Variants in URM1 observed in about 807,000 individuals in gnomAD.
The protein encoded by URM1 is ubiquitin related modifier 1, also known as ubiquitin-related modifier 1.
A neutral mutation model predicts 17.7 loss-of-function variants in URM1; 11 were observed. The observed-to-expected ratio is 0.62, with a 90% confidence interval of 0.39 to 1.03. The LOEUF is 1.03. URM1 is among the 50% of genes least tolerant of loss of function. The pLI, the probability that URM1 is intolerant of heterozygous loss-of-function variation, is 0.00. For synonymous variants in URM1, 48 were observed against 50.6 expected (o/e 0.95, Z 0.22); for missense variants, 128 against 129.2 (o/e 0.99, Z 0.04).
At chr9:128,377,687 A>G (rs1202430277) in intron 1 of URM1, among the ~76,000 whole-genome samples, 3 of 152,144 alleles carry the variant, frequency 2.0e-5, no homozygotes, top group Non-Finnish European at 2.9e-5. Flanking sequence ...AAAATTAAAT[A>G]TAAACATAAA....
At chr9:128,386,196 T>C (rs1207347991) in intron 2 of URM1, among the ~76,000 whole-genome samples, 1 of 152,196 alleles carries the variant, frequency 6.6e-6, no homozygotes. Context: ...TAGGGCTGGC[T>C]GATGGATGTG....
rs1452118919 is a variant in URM1 at position 128,377,919 on chromosome 9, A to G, written c.36-117A>G. The G allele has an allele frequency of 4.0e-6, 4 of 1,002,494 alleles. No homozygotes were observed. In the East Asian group the frequency reaches 9.9e-5, roughly 25 times the overall value. The allele number at this position is 1,002,494 out of a possible 1,614,324, so 62.1% of individuals were successfully genotyped here. A position where few individuals can be genotyped will look rare whatever the true frequency, so the allele number is the denominator to read the frequency against. On this transcript the variant is annotated intron_variant, in intron 1 of 4. Transcript: ENST00000372853. ...TGCACCCAAGGTGTTTCTGCACCTT[A>G]GTCTCTGCTTCTCTCGGCCTTCATT...
intron 1 of URM1, among the ~76,000 whole-genome samples, chr9:128,376,788 A>G (rs1833084221): frequency 6.6e-6 from 1 of 152,194 alleles, no homozygotes; most frequent in African/African-American, 2.4e-5. Context: ...AGAGTTCGAG[A>G]CCAGTCTGAG....
intron 2 of URM1, among the ~76,000 whole-genome samples, chr9:128,382,716 GTC>G (rs1450490466): frequency 6.6e-6 from 1 of 152,196 alleles, no homozygotes; most frequent in Admixed American, 6.5e-5. Context: ...TGAGCTGGTT[GTC>G]TCTTTGACAT....
chr9:128,383,788 G>A (rs1833191524), intron 2 of URM1, among the ~76,000 whole-genome samples: 4 of 152,212 alleles, frequency 2.6e-5, no homozygotes, highest in Admixed American at 2.6e-4. Flanking sequence ...CCACGAGGCT[G>A]AGGCTGACAC....
rs537860690 is a variant in URM1 at position 128,388,063 on chromosome 9, G to A, written c.188+166G>A. The A allele has an allele frequency of 1.6e-4, 220 of 1,360,608 alleles. 1 individual carries two copies. In the South Asian group the frequency reaches 3.8e-3, roughly 24 times the overall value. The allele number at this position is 1,360,608 out of a possible 1,614,324, so 84.3% of individuals were successfully genotyped here. ...TTTTCAGTTTTCTTGTTACTAAACC[G>A]AACTCTTGAGGATTTTTTAAATCCC... On this transcript the variant is annotated intron_variant, in intron 3 of 4. Transcript: ENST00000372853.
chr9:128,372,631 G>A (rs1219468913), intron 1 of URM1, among the ~76,000 whole-genome samples: 4 of 152,138 alleles, frequency 2.6e-5, no homozygotes, highest in Admixed American at 1.3e-4. Context: ...GATCCAATTA[G>A]AACTGTATTG....
intron 1 of URM1, among the ~76,000 whole-genome samples, chr9:128,375,595 T>TACA (rs1833065762): frequency 6.6e-6 from 1 of 152,160 alleles, no homozygotes; most frequent in African/African-American, 2.4e-5. Context: ...GGTCTCACTG[T>TACA]GTCGCCCAGG....
rs536429123 is a variant in URM1, at chr9:128,387,963, T to G, written c.188+66T>G. 314 of 1,605,374 alleles carry G rather than the reference T, an allele frequency of 2.0e-4. No homozygotes were observed. The Admixed American group carries it at 2.9e-3, about 15-fold the overall frequency. On this transcript the variant is annotated intron_variant, in intron 3 of 4. Coordinates refer to ENST00000372853, the MANE Select transcript of URM1 (RefSeq NM_030914.4). This position sits in a 1 kb window ranked among gnomAD's most constrained non-coding sequence, Gnocchi z 4.3. ...GGGACGGATATTTGAGCCCCCACCCTCGGGTTCAGTCCTGGCCTTCTCTGA... is the reference window on the plus strand; with the variant it reads ...GGGACGGATATTTGAGCCCCCACCCGCGGGTTCAGTCCTGGCCTTCTCTGA...
intron 2 of URM1, among the ~76,000 whole-genome samples, chr9:128,379,712 A>T (rs894407453): frequency 4.0e-5 from 6 of 151,862 alleles, no homozygotes; most frequent in African/African-American, 1.5e-4. Flanking sequence ...AGGCACGAGA[A>T]TTGCTTAAAC....
chr9:128,373,486 G>A (rs1365353211), intron 1 of URM1, among the ~76,000 whole-genome samples: 3 of 152,118 alleles, frequency 2.0e-5, no homozygotes, highest in African/African-American at 7.2e-5. Flanking sequence ...CTGAGCAGAT[G>A]TAGTCCTCTT....
chr9:128,376,529 G>A (rs537630851), intron 1 of URM1, among the ~76,000 whole-genome samples: 1 of 151,866 alleles, frequency 6.6e-6, no homozygotes, highest in Non-Finnish European at 1.5e-5. Context: ...AGGTGTGGTA[G>A]CACGTGCCTG....
At chr9:128,389,207 T>G in intron 3 of URM1, 54 bp from the exon 4 acceptor site, 1 of 1,554,880 alleles carries the variant, frequency 6.4e-7, no homozygotes, top group Non-Finnish European at 8.7e-7. Flanking sequence ...TCTTCCTCTG[T>G]GCTACTGCCT....
chr9:128,380,679 A>G (rs376381762), intron 2 of URM1, among the ~76,000 whole-genome samples: 238 of 136,626 alleles, frequency 1.7e-3, no homozygotes, highest in Middle Eastern at 0.013. Flanking sequence ...TCTGTCTCCC[A>G]GGCTGAAGTG....
intron 3 of URM1, chr9:128,388,773 A>G: frequency 1.0e-6 from 1 of 987,532 alleles, no homozygotes; most frequent in Non-Finnish European, 1.2e-6. Context: ...GAGGCAAAAC[A>G]GCCTTCTCTC....
intron 2 of URM1, among the ~76,000 whole-genome samples, chr9:128,379,614 A>G (rs2131293595): frequency 6.6e-6 from 1 of 152,280 alleles, no homozygotes; most frequent in African/African-American, 2.4e-5. Context: ...CCTGGCCAAG[A>G]TGGTGAAACC....
intron 1 of URM1, among the ~76,000 whole-genome samples, 181 bp downstream of exon 1, chr9:128,371,596 G>C (rs1477048247): frequency 1.3e-5 from 2 of 152,224 alleles, no homozygotes; most frequent in Admixed American, 1.3e-4. Flanking sequence ...GAGGCCGTCT[G>C]TCCGGAAATA....
At chr9:128,389,101 A>C in intron 3 of URM1, 160 bp from the exon 4 acceptor site, 1 of 1,436,752 alleles carries the variant, frequency 7.0e-7, no homozygotes, top group Non-Finnish European at 9.1e-7. Flanking sequence ...TTTCCTTCAC[A>C]CTCAGACCAG....
intron 2 of URM1, among the ~76,000 whole-genome samples, chr9:128,382,815 G>A (rs974369888): frequency 6.6e-6 from 1 of 152,140 alleles, no homozygotes; most frequent in Non-Finnish European, 1.5e-5. Flanking sequence ...TGTGAGAGAA[G>A]GGATGTCTTA....
Sources: allele counts gnomAD v4.1 joint callset (sites outside exome capture counted in the v4.1 genomes callset), GRCh38; gene constraint gnomAD v4.1.1; non-coding constraint Gnocchi (gnomAD v3.1); transcripts MANE v1.5; gene names NCBI Gene and HGNC (gene_info 2026-07-23, HGNC 2026-07-21).